The following FHIT variants were observed in gnomAD, a reference collection of about 807,000 sequenced individuals.
FHIT encodes the protein bis(5'-adenosyl)-triphosphatase.
In FHIT, 19 loss-of-function variants were observed where a neutral mutation model predicts 17.9. The observed-to-expected ratio is 1.06, with a 90% CI of 0.74 to 1.56. The LOEUF is 1.56. FHIT is among the 40% of genes most tolerant of loss of function. FHIT has a pLI of 0.00. For synonymous variants in FHIT, 81 were observed against 69.7 expected (o/e 1.16, Z -0.81); for missense variants, 248 against 189.2 (o/e 1.31, Z -1.82).
At chr3:60,202,914 G>A (rs1702981681) in intron 5 of FHIT, among the ~76,000 whole-genome samples, 1 of 151,916 alleles carries the variant, frequency 6.6e-6, no homozygotes, top group South Asian at 2.1e-4. Flanking sequence ...GCCCTACTTT[G>A]TCTATGACCT....
At chr3:60,934,066 T>G (rs1276177019) in intron 3 of FHIT, among the ~76,000 whole-genome samples, 1 of 152,210 alleles carries the variant, frequency 6.6e-6, no homozygotes, top group Non-Finnish European at 1.5e-5. Context: ...GTCATCAGAT[T>G]GTAAACACTG....
rs1265266188 is a variant in FHIT, at chr3:60,438,216, C to T, written c.103+98644G>A. 5.3e-5 allele frequency among the ~76,000 whole-genome samples: 8 copies of T among 152,020 alleles called. No homozygotes were observed. In the East Asian group the frequency reaches 1.5e-3, roughly 29 times the overall value. On this transcript the variant is annotated intron_variant, in intron 5 of 9. Coordinates refer to ENST00000492590, the MANE Select transcript of FHIT (RefSeq NM_002012.4). ...GAGGGAGCATGCACATGTGATTTCACCTGTCCTCAGACTGACCCTGTGCTG... is the reference window on the plus strand; with the variant it reads ...GAGGGAGCATGCACATGTGATTTCATCTGTCCTCAGACTGACCCTGTGCTG...
chr3:60,462,060 G>A (rs1171342785), intron 5 of FHIT, among the ~76,000 whole-genome samples: 3 of 152,132 alleles, frequency 2.0e-5, no homozygotes, highest in Non-Finnish European at 2.9e-5. Flanking sequence ...AACACTGAAT[G>A]GGTGCCCCAC....
chr3:60,484,847 A>C (rs1195357993), intron 5 of FHIT, among the ~76,000 whole-genome samples: 1 of 152,214 alleles, frequency 6.6e-6, no homozygotes, highest in East Asian at 1.9e-4. Context: ...AGCTAAAGAA[A>C]CTATCATCAG....
chr3:60,039,157 T>C (rs212059), intron 5 of FHIT, among the ~76,000 whole-genome samples: 117,281 of 152,074 alleles, frequency 0.77, 46,203 homozygotes, highest in Middle Eastern at 0.86. Flanking sequence ...CTCTCTCCCA[T>C]ACGGTGGCTT....
chr3:60,635,007 A>C (rs1684412431), intron 4 of FHIT, among the ~76,000 whole-genome samples: 1 of 152,158 alleles, frequency 6.6e-6, no homozygotes, highest in Admixed American at 6.5e-5. Flanking sequence ...GAGTAGCTAG[A>C]GCTACTGCAT....
chr3:60,556,789 G>C (rs991047189), intron 4 of FHIT, among the ~76,000 whole-genome samples: 1 of 152,236 alleles, frequency 6.6e-6, no homozygotes, highest in African/African-American at 2.4e-5. Flanking sequence ...CGCTGCCTTT[G>C]TCCCCTGTAG....
intron 4 of FHIT, among the ~76,000 whole-genome samples, chr3:60,699,059 C>T (rs2041179022): frequency 6.6e-6 from 1 of 152,098 alleles, no homozygotes; most frequent in Non-Finnish European, 1.5e-5. Context: ...TATCATTATA[C>T]AAAAATTTTC....
At chr3:60,211,341 TAAA>T (rs1030873463) in intron 5 of FHIT, among the ~76,000 whole-genome samples, 1 of 151,978 alleles carries the variant, frequency 6.6e-6, no homozygotes, top group African/African-American at 2.4e-5. Context: ...GAGTAAGTAT[TAAA>T]AATTTGGGGG....
intron 3 of FHIT, among the ~76,000 whole-genome samples, chr3:61,030,592 T>A (rs550438914): frequency 3.2e-4 from 48 of 152,200 alleles, no homozygotes; most frequent in Non-Finnish European, 5.9e-4. Flanking sequence ...ATCTTTGTAC[T>A]CACAAAGTTT....
intron 2 of FHIT, among the ~76,000 whole-genome samples, chr3:61,061,240 A>G (rs1175512130): frequency 1.3e-5 from 2 of 152,120 alleles, no homozygotes; most frequent in African/African-American, 4.8e-5. Flanking sequence ...TGAGTCTCCC[A>G]ATCTGCTAGT....
At chr3:60,509,158 G>A (rs1041410053) in intron 5 of FHIT, among the ~76,000 whole-genome samples, 9 of 152,242 alleles carry the variant, frequency 5.9e-5, no homozygotes, top group Non-Finnish European at 1.0e-4. Context: ...AACAGATGGC[G>A]TGCTCCAGGA....
In FHIT at chr3:59,762,321, G is replaced by A. The variant is rs562421277; in HGVS notation, c.349-10000C>T. 1.1e-4 allele frequency among the ~76,000 whole-genome samples: 17 copies of A among 152,286 alleles called. No homozygotes were observed. In the South Asian group the frequency reaches 2.7e-3, roughly 24 times the overall value. On this transcript the variant is annotated intron_variant, in intron 8 of 9. Transcript: ENST00000492590. ...GTGAAAAGTGAAACTGGAGATAAGA[G>A]GGGACTACTGTAGTAGGTTTTCAAT...
chr3:60,020,434 T>G (rs191651798), intron 5 of FHIT, among the ~76,000 whole-genome samples: 1 of 152,216 alleles, frequency 6.6e-6, no homozygotes, highest in South Asian at 2.1e-4. Flanking sequence ...ATTCAGAATA[T>G]AGAAGTCACC....
At chr3:60,910,448 G>A (rs1313375204) in intron 3 of FHIT, among the ~76,000 whole-genome samples, 1 of 136,880 alleles carries the variant, frequency 7.3e-6, no homozygotes, top group Non-Finnish European at 1.5e-5. Flanking sequence ...GTCTCGCTTT[G>A]TCGCCTAGGC....
At chr3:59,826,388 A>AT (rs1455183700) in intron 8 of FHIT, among the ~76,000 whole-genome samples, 1 of 151,878 alleles carries the variant, frequency 6.6e-6, no homozygotes, top group East Asian at 1.9e-4. Context: ...CCTGTTCTTT[A>AT]TTTTTTCTTT....
intron 8 of FHIT, among the ~76,000 whole-genome samples, chr3:59,868,057 A>AAC (rs1702738719): frequency 2.0e-5 from 3 of 147,690 alleles, no homozygotes; most frequent in African/African-American, 5.3e-5. Flanking sequence ...TAAAAAAAAA[A>AAC]AAAAAAAAAC....
intron 5 of FHIT, among the ~76,000 whole-genome samples, chr3:60,062,464 T>G (rs1054423122): frequency 3.3e-5 from 5 of 152,198 alleles, no homozygotes; most frequent in Non-Finnish European, 5.9e-5. Flanking sequence ...AAACAATCCA[T>G]TAAGAATTAT....
At chr3:59,982,533 A>T (rs1323983657) in intron 7 of FHIT, among the ~76,000 whole-genome samples, 2 of 152,184 alleles carry the variant, frequency 1.3e-5, no homozygotes, top group African/African-American at 2.4e-5. Flanking sequence ...CCTTCCAGCT[A>T]AGATCAAGTG....
Sources: allele counts gnomAD v4.1 joint callset (sites outside exome capture counted in the v4.1 genomes callset), GRCh38; gene constraint gnomAD v4.1.1; transcripts MANE v1.5; gene names NCBI Gene and HGNC (gene_info 2026-07-23, HGNC 2026-07-21).